Variants in GARNL3 observed in about 807,000 individuals in gnomAD.
The protein encoded by GARNL3 is GTPase activating Rap/RanGAP domain like 3, also known as GTPase-activating Rap/Ran-GAP domain-like protein 3.
Under a neutral mutation model 125.0 loss-of-function variants are expected in GARNL3, and 63 were observed. The ratio of observed to expected loss-of-function variants is 0.50; its 90% CI spans 0.41 to 0.62. GARNL3 has a LOEUF of 0.62. Among genes scored for constraint, GARNL3 ranks in the 20% least tolerant of loss-of-function variants. The pLI is 0.00. For synonymous variants in GARNL3, 439 were observed against 457.5 expected (o/e 0.96, Z 0.52); for missense variants, 994 against 1,244.0 (o/e 0.80, Z 3.02).
chr9:127,303,647 C>G (rs1408006693), intron 2 of GARNL3, among the ~76,000 whole-genome samples: 1 of 152,192 alleles, frequency 6.6e-6, no homozygotes, highest in Non-Finnish European at 1.5e-5. Flanking sequence ...ATGTATTGAA[C>G]TCACTCTGGA....
chr9:127,231,035 C>CATATATATATATATATAT (rs200926096), intron 1 of GARNL3, among the ~76,000 whole-genome samples: 1 of 55,840 alleles, frequency 1.8e-5, no homozygotes, highest in African/African-American at 8.7e-5. Context: ...TGTATATATA[C>CATATATATATATATATAT]ATATATATAT....
chr9:127,331,460 TC>T (rs1364285173), intron 7 of GARNL3, among the ~76,000 whole-genome samples: 1 of 151,088 alleles, frequency 6.6e-6, no homozygotes, highest in Non-Finnish European at 1.5e-5. Flanking sequence ...GCCACTGCAC[TC>T]CAGCCTGGGT....
intron 1 of GARNL3, among the ~76,000 whole-genome samples, chr9:127,283,231 C>T (rs1452901368): frequency 6.6e-6 from 1 of 152,082 alleles, no homozygotes; most frequent in Non-Finnish European, 1.5e-5. Context: ...TATAATTGGA[C>T]AGGGTTGTGG....
chr9:127,230,647 C>G (rs1346608651), intron 1 of GARNL3, among the ~76,000 whole-genome samples: 1 of 150,230 alleles, frequency 6.7e-6, no homozygotes, highest in Non-Finnish European at 1.5e-5. Flanking sequence ...GAGTGAAACT[C>G]CATCTCACCA....
At chr9:127,351,721 T>G (rs1197302928) in intron 17 of GARNL3, among the ~76,000 whole-genome samples, 1 of 152,212 alleles carries the variant, frequency 6.6e-6, no homozygotes, top group Non-Finnish European at 1.5e-5. Flanking sequence ...TTATTAAAAA[T>G]CAAGACCTTT....
rs1829307858 is a variant in GARNL3, at chr9:127,332,333, T to C, written c.654T>C (p.Asp218=). Reference sequence around the variant, plus strand: ...CCAAAGATGGGCAGCTCACTGATGATGAGATGTTCAGCAATGGTGAGTGAT... The same window carrying C: ...CCAAAGATGGGCAGCTCACTGATGACGAGATGTTCAGCAATGGTGAGTGAT... The part of the protein sequence containing the change: ...LFAKDGQLTD[D]EMFSNEIGSE... The change falls in exon 8 of 28, where the codon GAT becomes GAC. Residue 218 remains aspartate (D), a synonymous_variant. Transcript: ENST00000373387. The C allele has an allele frequency of 6.3e-6, 10 of 1,593,510 alleles. No homozygotes were observed. In the South Asian group the frequency reaches 9.9e-5, roughly 16 times the overall value.
At chr9:127,314,156 C>T (rs1286500714) in intron 4 of GARNL3, among the ~76,000 whole-genome samples, 1 of 152,198 alleles carries the variant, frequency 6.6e-6, no homozygotes, top group Non-Finnish European at 1.5e-5. Flanking sequence ...CCCAGGTCTC[C>T]GCTAGTCTCT....
intron 1 of GARNL3, among the ~76,000 whole-genome samples, chr9:127,270,933 T>C (rs2063809196): frequency 7.1e-6 from 1 of 140,924 alleles, no homozygotes; most frequent in African/African-American, 3.2e-5. Context: ...CCAAATAGAA[T>C]ACTATGGATT....
Position 127,344,239 on chromosome 9 carries a change from T to G in GARNL3, c.1256T>G (p.Met419Arg). 6.2e-7 allele frequency: 1 copy of G among 1,605,254 alleles called. No individual in the cohort carries two copies. Among genetic ancestry groups the G allele is most frequent in the Non-Finnish European group, 8.5e-7 (1 of 1,175,906 alleles). Residue 419 changes from methionine (M) to arginine (R), a missense_variant, in exon 15 of 28, where the codon ATG becomes AGG. Physicochemically the swap from Met to Arg is moderately conservative, Grantham distance 91. This residue lies in a region of GARNL3 where 728 missense variants were observed against 865.7 expected (regional missense o/e 0.84). Coordinates refer to ENST00000373387, the MANE Select transcript of GARNL3 (RefSeq NM_032293.5). ...QDLMPDLHKN[M>R]LNRRSFSDVL... ...TAACTTGTTTTTCTTTTTTAGAACA[T>G]GCTTAATAGACGATCTTTTAGTGAT...
chr9:127,369,707 G>T (rs1831502747), intron 22 of GARNL3, among the ~76,000 whole-genome samples: 1 of 152,214 alleles, frequency 6.6e-6, no homozygotes, highest in Non-Finnish European at 1.5e-5. Context: ...AGAAGAGAAA[G>T]CAGACTGGGA....
intron 24 of GARNL3, among the ~76,000 whole-genome samples, chr9:127,386,336 T>C (rs1235782976): frequency 6.6e-6 from 1 of 152,264 alleles, no homozygotes; most frequent in Admixed American, 6.5e-5. Flanking sequence ...TGTTCATTAC[T>C]AGTACTTTCT....
At chr9:127,331,612 T>C (rs1482585673) in intron 7 of GARNL3, among the ~76,000 whole-genome samples, 4 of 151,982 alleles carry the variant, frequency 2.6e-5, no homozygotes, top group African/African-American at 7.2e-5. Context: ...CCCTTCCCTG[T>C]GGAAGCTGCT....
chr9:127,318,962 A>T (rs1399116015), intron 5 of GARNL3, among the ~76,000 whole-genome samples: 1 of 152,232 alleles, frequency 6.6e-6, no homozygotes, highest in Non-Finnish European at 1.5e-5. Context: ...GCTGGAGTCC[A>T]TGTGACTCCA....
At chr9:127,349,169 T>A in intron 17 of GARNL3, 134 bp downstream of exon 17, 3 of 678,476 alleles carry the variant, frequency 4.4e-6, no homozygotes, top group Non-Finnish European at 7.9e-6. Flanking sequence ...TTTTATTTCC[T>A]TATGAAATTA....
At chr9:127,380,174 T>C (rs1005966357) in intron 22 of GARNL3, among the ~76,000 whole-genome samples, 3 of 146,788 alleles carry the variant, frequency 2.0e-5, no homozygotes, top group African/African-American at 7.6e-5. Flanking sequence ...GCCTGGGTGA[T>C]AGAGCAAGAC....
At chr9:127,296,565 G>T (rs1364583209) in intron 2 of GARNL3, among the ~76,000 whole-genome samples, 3 of 147,108 alleles carry the variant, frequency 2.0e-5, no homozygotes, top group Non-Finnish European at 4.4e-5. Flanking sequence ...TCCACCTCCT[G>T]GGTTGAAACA....
intron 17 of GARNL3, among the ~76,000 whole-genome samples, chr9:127,350,501 G>A (rs981198309): frequency 2.0e-5 from 3 of 152,034 alleles, no homozygotes; most frequent in African/African-American, 7.3e-5. Flanking sequence ...CCTTCCGGGC[G>A]CAGTGGCTCA....
intron 2 of GARNL3, among the ~76,000 whole-genome samples, chr9:127,248,596 CTTTTTTTTTTTT>C (rs745331884): frequency 4.0e-5 from 3 of 74,590 alleles, no homozygotes; most frequent in African/African-American, 5.9e-5. Context: ...TTTTTCTTTT[CTTTTTTTTTTTT>C]TTTTTTTTTT....
At chr9:127,286,323 G>A (rs534568891) in intron 1 of GARNL3, among the ~76,000 whole-genome samples, 1 of 152,286 alleles carries the variant, frequency 6.6e-6, no homozygotes, top group East Asian at 1.9e-4. Flanking sequence ...CATGTAGGCT[G>A]ATCTACCTTC....
Sources: allele counts gnomAD v4.1 joint callset (sites outside exome capture counted in the v4.1 genomes callset), GRCh38; gene constraint gnomAD v4.1.1; regional missense constraint gnomAD v4.1.1; transcripts MANE v1.5; gene names NCBI Gene and HGNC (gene_info 2026-07-23, HGNC 2026-07-21).